The following LIMCH1 variants were observed in gnomAD, a reference collection of about 807,000 sequenced individuals.
The protein encoded by LIMCH1 is LIM and calponin homology domains-containing protein 1.
In LIMCH1, 113 loss-of-function variants were observed where a neutral mutation model predicts 176.5. The ratio of observed to expected loss-of-function variants is 0.64; its 90% CI spans 0.55 to 0.75. The LOEUF (loss-of-function observed/expected upper bound fraction) is 0.75. Ranked by LOEUF, LIMCH1 falls within the 30% of genes least tolerant of loss-of-function variation. LIMCH1 has a pLI of 0.00. For synonymous variants in LIMCH1, 619 were observed against 645.9 expected, an observed-to-expected ratio of 0.96 and a Z score of 0.63; for missense variants, 1,674 against 1,814.9, an observed-to-expected ratio of 0.92 and a Z score of 1.41.
At chr4:41,428,406 A>C (rs1314760569) in intron 1 of LIMCH1, among the ~76,000 whole-genome samples, 1 of 152,254 alleles carries the variant, frequency 6.6e-6, no homozygotes, top group Non-Finnish European at 1.5e-5. Flanking sequence ...TTTAAAACAC[A>C]TGAAAAGGAA....
intron 1 of LIMCH1, among the ~76,000 whole-genome samples, chr4:41,366,203 G>A (rs1380136399): frequency 2.0e-5 from 3 of 152,166 alleles, no homozygotes; most frequent in African/African-American, 7.2e-5. Context: ...ATGATAAAAG[G>A]TACTATTTAT....
At chr4:41,534,459 T>C (rs2077658433), upstream of LIMCH1, among the ~76,000 whole-genome samples, 1 of 152,234 alleles carries the variant, frequency 6.6e-6, no homozygotes, top group Non-Finnish European at 1.5e-5. Flanking sequence ...TGGAGGGTAC[T>C]GATGCCATTA....
intron 1 of LIMCH1, among the ~76,000 whole-genome samples, chr4:41,593,488 T>C (rs78260020): frequency 3.3e-5 from 5 of 152,222 alleles, no homozygotes; most frequent in Admixed American, 2.0e-4. Flanking sequence ...CCATTTTTCC[T>C]TGAATTTTGT....
intron 1 of LIMCH1, among the ~76,000 whole-genome samples, chr4:41,395,949 G>C (rs1389027260): frequency 6.6e-6 from 1 of 152,192 alleles, no homozygotes; most frequent in Non-Finnish European, 1.5e-5. Context: ...GTTTTAAGGT[G>C]ATCAGGGACA....
upstream of LIMCH1, among the ~76,000 whole-genome samples, chr4:41,537,777 G>A (rs893396833): frequency 6.6e-6 from 1 of 152,130 alleles, no homozygotes; most frequent in African/African-American, 2.4e-5. Context: ...ATGAACATTA[G>A]GATGGTCTTA....
At chr4:41,369,989 C>G (rs77096484) in intron 1 of LIMCH1, among the ~76,000 whole-genome samples, 2,564 of 107,032 alleles carry the variant, frequency 0.024, 72 homozygotes, top group African/African-American at 0.094. Flanking sequence ...GCAGTTTACC[C>G]AATAGTTGCC....
At chr4:41,612,083 G>C (rs2091488183) in intron 4 of LIMCH1, among the ~76,000 whole-genome samples, 8 of 152,150 alleles carry the variant, frequency 5.3e-5, no homozygotes, top group Admixed American at 5.2e-4. Flanking sequence ...TCCTCTGTCT[G>C]GAGGCTGCAG....
intron 1 of LIMCH1, chr4:41,494,462 CACAT>C: frequency 2.0e-6 from 2 of 1,007,010 alleles, no homozygotes; most frequent in South Asian, 2.7e-5. Flanking sequence ...CATACACACA[CACAT>C]ATATATATGA....
At chr4:41,511,519 T>C (rs1479373887) in intron 2 of LIMCH1, among the ~76,000 whole-genome samples, 1 of 152,214 alleles carries the variant, frequency 6.6e-6, no homozygotes, top group Non-Finnish European at 1.5e-5. Flanking sequence ...AAGTCATTTG[T>C]CTCACACATG....
At chr4:41,633,942 T>C (rs1243671390) in intron 13 of LIMCH1, 134 bp downstream of exon 13, 3 of 994,532 alleles carry the variant, frequency 3.0e-6, no homozygotes, top group Admixed American at 5.7e-5. Flanking sequence ...AAAATTGGCC[T>C]CATCTGCGAA....
At position 41,525,828 on chromosome 4, in the gene LIMCH1, C is replaced by G. The variant is rs904143743; in HGVS notation, c.237+1350C>G. Among the ~76,000 whole-genome samples, 4 of 152,034 alleles carry G rather than the reference C, an allele frequency of 2.6e-5. No individual in the cohort carries two copies. The East Asian group carries it at 5.8e-4, about 22-fold the overall frequency. ...TGTTAAAGCCAAGGTCTTAATGATC[C>G]TGATGAACATCTGTTTGTCCCTAAG... On this transcript the variant is annotated intron_variant, in intron 3 of 26. Transcript: ENST00000313860.
chr4:41,547,249 A>G (rs555519860), intron 1 of LIMCH1, among the ~76,000 whole-genome samples: 66 of 152,252 alleles, frequency 4.3e-4, no homozygotes, highest in Non-Finnish European at 8.2e-4. Context: ...TCACTGGAAC[A>G]TACTCCTCCT....
intron 1 of LIMCH1, among the ~76,000 whole-genome samples, chr4:41,486,680 A>G (rs1410251576): frequency 6.6e-6 from 1 of 152,148 alleles, no homozygotes; most frequent in Admixed American, 6.5e-5. Context: ...TGTACTGTGC[A>G]TAGGAATCAC....
chr4:41,493,585 A>G lies in LIMCH1; in HGVS notation c.97-951A>G, dbSNP rs547778376. ...ATTCTATGTGTACTGGAAGATGTGC[A>G]TAGGTTATATGCAAATACTACACAT... On this transcript the variant is annotated intron_variant, in intron 1 of 26. Coordinates refer to the LIMCH1 transcript ENST00000313860. Among the ~76,000 whole-genome samples, 170 of 152,332 alleles carry G rather than the reference A, an allele frequency of 1.1e-3. 3 individuals are homozygous for G. Among genetic ancestry groups the G allele is most frequent in the Admixed American group, 6.5e-4 (10 of 15,302 alleles).
intron 13 of LIMCH1, 105 bp downstream of exon 13, chr4:41,633,913 T>C: frequency 8.0e-7 from 1 of 1,257,732 alleles, no homozygotes; most frequent in Non-Finnish European, 1.1e-6. Context: ...CTGCTGTTGC[T>C]AGCAGAAACA....
intron 1 of LIMCH1, among the ~76,000 whole-genome samples, chr4:41,568,719 G>A (rs1187153012): frequency 1.3e-5 from 2 of 152,126 alleles, no homozygotes; most frequent in East Asian, 3.8e-4. Context: ...TATAGGTCGA[G>A]GTATTGGCAG....
chr4:41,393,790 A>ATATAT (rs1247969775), intron 1 of LIMCH1, among the ~76,000 whole-genome samples: 1 of 152,218 alleles, frequency 6.6e-6, no homozygotes, highest in African/African-American at 2.4e-5. Context: ...TATAAACTGT[A>ATATAT]AAATTAGAAA....
chr4:41,459,049 G>A (rs1286282491), intron 1 of LIMCH1, among the ~76,000 whole-genome samples: 1 of 152,086 alleles, frequency 6.6e-6, no homozygotes, highest in African/African-American at 2.4e-5. Context: ...TAAGGAACTA[G>A]GATATGCAAA....
intron 1 of LIMCH1, among the ~76,000 whole-genome samples, chr4:41,489,225 C>T (rs2070282218): frequency 6.6e-6 from 1 of 152,032 alleles, no homozygotes; most frequent in South Asian, 2.1e-4. Context: ...CTAATGTAGC[C>T]AAAGGTTTCT....
Sources: allele counts gnomAD v4.1 joint callset (sites outside exome capture counted in the v4.1 genomes callset), GRCh38; gene constraint gnomAD v4.1.1; transcripts MANE v1.5; gene names NCBI Gene and HGNC (gene_info 2026-07-23, HGNC 2026-07-21).